Variants in MET observed in about 807,000 individuals in gnomAD.
MET encodes the protein hepatocyte growth factor receptor.
In MET, 48 loss-of-function variants were observed where a neutral mutation model predicts 133.1. That is an observed-to-expected ratio of 0.36 (90% CI 0.29 to 0.46). The LOEUF (loss-of-function observed/expected upper bound fraction) is 0.46. Among genes scored for constraint, MET ranks in the 20% least tolerant of loss-of-function variants. The pLI, the probability that MET is intolerant of heterozygous loss-of-function variation, is 1.00. For missense variants in MET, 1,442 were observed against 1,695.9 expected (o/e 0.85, Z 2.63); for synonymous variants, 628 against 616.5 (o/e 1.02, Z -0.28).
chr7:116,674,976 C>T (rs1352470359), intron 1 of MET, among the ~76,000 whole-genome samples: 3 of 152,212 alleles, frequency 2.0e-5, no homozygotes, highest in Non-Finnish European at 4.4e-5. Flanking sequence ...TATGTAGAAA[C>T]TCAAGTGTCC....
At chr7:116,763,467 A>C in intron 11 of MET, 199 bp downstream of exon 11, 1 of 605,248 alleles carries the variant, frequency 1.7e-6, no homozygotes, top group South Asian at 2.0e-5. Flanking sequence ...GAAGCATTAA[A>C]AAACCCTTTC....
chr7:116,738,814 A>G (rs1314389070), intron 3 of MET, among the ~76,000 whole-genome samples: 1 of 152,244 alleles, frequency 6.6e-6, no homozygotes, highest in Non-Finnish European at 1.5e-5. Context: ...TGTGTTTGTT[A>G]GAGTACAAAG....
chr7:116,755,476 A>G lies in MET; in HGVS notation c.1823A>G (p.Glu608Gly). The change falls in exon 6 of 21, where the codon GAG becomes GGG. Residue 608 changes from glutamate to glycine, a missense_variant. By Grantham distance (98) the Glu-to-Gly change is moderately conservative (BLOSUM62 -2). Transcript: ENST00000397752. The part of the protein sequence containing the change: ...LKKTRVLLGN[E>G]SCTLTLSEST... Reference sequence around the variant, plus strand: ...AAAACTAGAGTTCTCCTTGGAAATGAGAGCTGCACCTTGACTTTAAGTGAG... The same window carrying G: ...AAAACTAGAGTTCTCCTTGGAAATGGGAGCTGCACCTTGACTTTAAGTGAG... 6.2e-7 allele frequency: 1 copy of G among 1,614,180 alleles called. No individual in the cohort carries two copies. The highest frequency in any genetic ancestry group is 1.1e-5 in the South Asian group (1 of 91,090).
intron 2 of MET, among the ~76,000 whole-genome samples, chr7:116,709,059 A>C (rs185611591): frequency 1.8e-3 from 280 of 152,256 alleles, no homozygotes; most frequent in South Asian, 0.01. Flanking sequence ...AATCATGTGC[A>C]TGGAGGGCCA....
rs758862874 is a variant in MET, at chr7:116,700,055, A to G, written c.971A>G (p.Lys324Arg). The G allele has an allele frequency of 6.2e-7, 1 of 1,613,794 alleles. No individual in the cohort carries two copies. The highest frequency in any genetic ancestry group is 1.1e-5 in the South Asian group (1 of 91,024). ...ATACTTCAGGCTGCGTATGTCAGCA[A>G]GCCTGGGGCCCAGCTTGCTAGACAA... ...FNILQAAYVS[K>R]PGAQLARQIG... The change falls in exon 2 of 21, where the codon AAG becomes AGG. Residue 324 changes from lysine to arginine, a missense_variant. By Grantham distance (26) the Lys-to-Arg change is conservative (BLOSUM62 2). Coordinates refer to ENST00000397752, the MANE Select transcript of MET (RefSeq NM_000245.4).
intron 9 of MET, 66 bp downstream of exon 9, chr7:116,758,686 G>A (rs573857966): frequency 2.6e-4 from 392 of 1,526,524 alleles, no homozygotes; most frequent in Admixed American, 8.1e-4. Flanking sequence ...CTGTAGAATA[G>A]TCAAGAGGAA....
intron 19 of MET, among the ~76,000 whole-genome samples, chr7:116,788,744 A>T (rs558543477): frequency 6.6e-6 from 1 of 152,330 alleles, no homozygotes; most frequent in South Asian, 2.1e-4. Context: ...TTGAATGTTG[A>T]CATGGAACAT....
intron 5 of MET, among the ~76,000 whole-genome samples, chr7:116,748,385 A>T (rs1173837016): frequency 6.6e-6 from 1 of 152,248 alleles, no homozygotes; most frequent in Non-Finnish European, 1.5e-5. Context: ...TAAATAATGA[A>T]ATTAAGGCAG....
Position 116,771,644 on chromosome 7 carries a change from G to A in MET, c.2877G>A (p.Lys959=), listed in dbSNP as rs1221763212. 1 of 1,613,710 alleles carries A rather than the reference G, an allele frequency of 6.2e-7. No homozygotes were observed. Among genetic ancestry groups the A allele is most frequent in the East Asian group, 2.2e-5 (1 of 44,880 alleles). The stretch of plus-strand genomic sequence containing the variant: ...TTTTCCTGTGGCTGAAAAAGAGAAA[G>A]CAAATTAAAGGTGCATTTTTGTTAC... ...LGFFLWLKKR[K]QIKDLGSELV... Residue 959 remains lysine, a synonymous_variant, in exon 13 of 21, where the codon AAG becomes AAA. Transcript: ENST00000397752.
Position 116,797,729 on chromosome 7 carries a change from T to C in MET, c.*1605T>C, listed in dbSNP as rs1233295872. The C allele has an allele frequency of 8.8e-6, 2 of 228,206 alleles. No homozygotes were observed. The highest frequency in any genetic ancestry group is 1.7e-5 in the Non-Finnish European group (2 of 114,844). 14.1% of individuals were successfully genotyped at this position (228,206 alleles called of 1,614,324 possible). On this transcript the variant is annotated 3_prime_UTR_variant, in exon 21 of 21. Coordinates refer to ENST00000397752, the MANE Select transcript of MET (RefSeq NM_000245.4). The stretch of plus-strand genomic sequence containing the variant: ...AAAAGGTATGTCAGACTGGGATTAA[T>C]GACAGCATGATTTTCAATGACTGTA...
Position 116,699,924 on chromosome 7 carries a change from G to A in MET, c.840G>A (p.Arg280=), listed in dbSNP as rs1207381066. 6.2e-7 allele frequency: 1 copy of A among 1,614,066 alleles called. No homozygotes were observed. Among genetic ancestry groups the A allele is most frequent in the Non-Finnish European group, 8.5e-7 (1 of 1,179,976 alleles). The change falls in exon 2 of 21, where the codon AGG becomes AGA. Residue 280 remains arginine, a synonymous_variant. Transcript: ENST00000397752. ...DAQTFHTRII[R]FCSINSGLHS... ...AGACTTTTCACACAAGAATAATCAG[G>A]TTCTGTTCCATAAACTCTGGATTGC... is the stretch of plus-strand genomic sequence containing the variant.
chr7:116,771,458 C>T (rs2116990907), intron 12 of MET, 40 bp from the exon 13 acceptor site: 1 of 1,612,346 alleles, frequency 6.2e-7, no homozygotes, highest in Non-Finnish European at 8.5e-7. Flanking sequence ...AAATATCTAT[C>T]ATGGCTAAAT....
chr7:116,726,913 G>A (rs1792815353), intron 2 of MET, among the ~76,000 whole-genome samples: 2 of 152,144 alleles, frequency 1.3e-5, no homozygotes, highest in Non-Finnish European at 2.9e-5. Flanking sequence ...GTACAGGTGT[G>A]GCTGGAAGGG....
intron 3 of MET, among the ~76,000 whole-genome samples, chr7:116,738,769 T>G (rs1005326196): frequency 6.6e-6 from 1 of 152,182 alleles, no homozygotes; most frequent in African/African-American, 2.4e-5. Flanking sequence ...GAAGAAAAAA[T>G]TTACAATTGT....
chr7:116,724,634 G>A, intron 2 of MET: 1 of 431,382 alleles, frequency 2.3e-6, no homozygotes, highest in Non-Finnish European at 4.6e-6. Flanking sequence ...GCAATGATTT[G>A]TTCTGACAGC....
rs2116601625 is a variant in MET, at chr7:116,700,035, T to C, written c.951T>C (p.Leu317=). 6.2e-7 allele frequency: 1 copy of C among 1,614,016 alleles called. No homozygotes were observed. Among genetic ancestry groups the C allele is most frequent in the Non-Finnish European group, 8.5e-7 (1 of 1,179,964 alleles). Residue 317 remains leucine, a synonymous_variant, in exon 2 of 21, where the codon CTT becomes CTC. Transcript: ENST00000397752. ...CAAAGAAGGAAGTGTTTAATATACT[T>C]CAGGCTGCGTATGTCAGCAAGCCTG... is the stretch of plus-strand genomic sequence containing the variant. The part of the protein sequence containing the change: ...RSTKKEVFNI[L]QAAYVSKPGA...
chr7:116,755,087 C>T (rs1794128242), intron 5 of MET, among the ~76,000 whole-genome samples: 1 of 151,502 alleles, frequency 6.6e-6, no homozygotes, highest in African/African-American at 2.4e-5. Context: ...TTTATTCCTA[C>T]CAAGCTGCAT....
intron 1 of MET, among the ~76,000 whole-genome samples, chr7:116,677,661 C>G (rs551511079): frequency 6.6e-6 from 1 of 152,154 alleles, no homozygotes; most frequent in Non-Finnish European, 1.5e-5. Context: ...ATGCATGGCC[C>G]GAGAGCCCCA....
chr7:116,716,455 AAAAGAAAGAAAGAG>A (rs1368999898), intron 2 of MET, among the ~76,000 whole-genome samples: 6 of 147,052 alleles, frequency 4.1e-5, no homozygotes, highest in East Asian at 2.0e-4. Flanking sequence ...AAAGAAAAAG[AAAAGAAAGAAAGAG>A]AAAGAAAGAA....
Sources: allele counts gnomAD v4.1 joint callset (sites outside exome capture counted in the v4.1 genomes callset), GRCh38; gene constraint gnomAD v4.1.1; transcripts MANE v1.5; gene names NCBI Gene and HGNC (gene_info 2026-07-23, HGNC 2026-07-21).